The following FRMD4B variants were observed in gnomAD, a reference collection of about 807,000 sequenced individuals.
FRMD4B encodes the protein FERM domain containing 4B, also known as FERM domain-containing protein 4B.
A neutral mutation model predicts 141.5 loss-of-function variants in FRMD4B; 74 were observed. The observed-to-expected ratio is 0.52, with a 90% CI of 0.43 to 0.63. FRMD4B has a LOEUF of 0.63. FRMD4B is among the 30% of genes least tolerant of loss of function. The pLI, the probability that FRMD4B is intolerant of heterozygous loss-of-function variation, is 0.00. For synonymous variants in FRMD4B, 506 were observed against 467.9 expected (o/e 1.08, Z -1.05); for missense variants, 1,366 against 1,253.4 (o/e 1.09, Z -1.36).
intron 1 of FRMD4B, among the ~76,000 whole-genome samples, chr3:69,482,479 A>G (rs1706140949): frequency 6.6e-6 from 1 of 152,130 alleles, no homozygotes; most frequent in South Asian, 2.1e-4. Flanking sequence ...AGAAAAAGGG[A>G]AAGGAGGAAG....
chr3:69,497,613 A>G (rs989290082), intron 1 of FRMD4B, among the ~76,000 whole-genome samples: 5 of 152,084 alleles, frequency 3.3e-5, no homozygotes, highest in Non-Finnish European at 7.4e-5. Context: ...TCCCCATGGG[A>G]TTTTTGTGTA....
At chr3:69,528,801 C>CA (rs77054280) in intron 1 of FRMD4B, among the ~76,000 whole-genome samples, 314 of 134,306 alleles carry the variant, frequency 2.3e-3, no homozygotes, top group African/African-American at 4.6e-3. Context: ...ATAAGGCCAC[C>CA]AAAAAAAAAA....
intron 5 of FRMD4B, among the ~76,000 whole-genome samples, chr3:69,272,741 T>C (rs1282135607): frequency 6.6e-6 from 1 of 152,216 alleles, no homozygotes; most frequent in African/African-American, 2.4e-5. Context: ...GAACCATAAA[T>C]GTGATGCTAA....
At chr3:69,242,395 T>C (rs1209201249) in intron 7 of FRMD4B, among the ~76,000 whole-genome samples, 2 of 151,606 alleles carry the variant, frequency 1.3e-5, no homozygotes, top group African/African-American at 4.8e-5. Context: ...AGGGGCAAAT[T>C]TCTTGAAAGT....
chr3:69,352,891 T>C lies in FRMD4B; in HGVS notation c.162+32937A>G, dbSNP rs1401112517. 3.3e-5 allele frequency among the ~76,000 whole-genome samples: 5 copies of C among 152,152 alleles called. No individual in the cohort carries two copies. In the East Asian group the frequency reaches 7.7e-4, roughly 23 times the overall value. ...ACCCACATCAAAGGATCCTTTCAGATGGGCTGCTAATGAGCTCTAGGACAC... is the reference window on the plus strand; with the variant it reads ...ACCCACATCAAAGGATCCTTTCAGACGGGCTGCTAATGAGCTCTAGGACAC... On this transcript the variant is annotated intron_variant, in intron 1 of 22. Transcript: ENST00000398540.
At chr3:69,463,378 A>G (rs1659434619) in intron 1 of FRMD4B, among the ~76,000 whole-genome samples, 2 of 152,228 alleles carry the variant, frequency 1.3e-5, no homozygotes, top group African/African-American at 4.8e-5. Flanking sequence ...TTTTTCTCAT[A>G]ATTCTGGTCC....
chr3:69,363,488 C>A (rs1170399547), intron 1 of FRMD4B, among the ~76,000 whole-genome samples: 1 of 151,014 alleles, frequency 6.6e-6, no homozygotes, highest in Non-Finnish European at 1.5e-5. Flanking sequence ...CTCCTGGGTT[C>A]ACGCCATTCT....
chr3:69,512,179 T>C (rs924996842), intron 1 of FRMD4B, among the ~76,000 whole-genome samples: 1 of 152,206 alleles, frequency 6.6e-6, no homozygotes, highest in Non-Finnish European at 1.5e-5. Flanking sequence ...GCATCTACTC[T>C]GGCTCACCAT....
chr3:69,239,485 C>T (rs73099828), intron 7 of FRMD4B, among the ~76,000 whole-genome samples: 1 of 152,264 alleles, frequency 6.6e-6, no homozygotes, highest in Non-Finnish European at 1.5e-5. Flanking sequence ...AGCCAGCTCC[C>T]TGAGGACTCC....
intron 19 of FRMD4B, 139 bp downstream of exon 19, chr3:69,187,631 T>C: frequency 1.6e-6 from 1 of 615,976 alleles, no homozygotes; most frequent in South Asian, 2.5e-5. Flanking sequence ...GGTTAGTTTC[T>C]ATGCCCCAGT....
intron 1 of FRMD4B, among the ~76,000 whole-genome samples, chr3:69,516,709 A>G (rs965443527): frequency 1.3e-5 from 2 of 152,240 alleles, no homozygotes; most frequent in Admixed American, 1.3e-4. Flanking sequence ...TCTACCAGAG[A>G]GAAGTCATTG....
intron 1 of FRMD4B, among the ~76,000 whole-genome samples, chr3:69,348,461 G>A (rs1177234461): frequency 6.6e-6 from 1 of 152,078 alleles, no homozygotes; most frequent in East Asian, 1.9e-4. Context: ...AGAAAAAGAG[G>A]GAATCCTCCC....
At chr3:69,495,380 T>C (rs949219339) in intron 1 of FRMD4B, among the ~76,000 whole-genome samples, 4 of 152,298 alleles carry the variant, frequency 2.6e-5, no homozygotes, top group African/African-American at 9.6e-5. Flanking sequence ...AAACCCCCTT[T>C]AGAAAGAAAG....
chr3:69,519,290 G>C (rs1700815869), intron 1 of FRMD4B, among the ~76,000 whole-genome samples: 1 of 152,300 alleles, frequency 6.6e-6, no homozygotes, highest in African/African-American at 2.4e-5. Context: ...TGTGTGCATG[G>C]CTGGGGAGAG....
chr3:69,249,139 T>C, intron 7 of FRMD4B, 87 bp downstream of exon 7: 1 of 832,346 alleles, frequency 1.2e-6, no homozygotes, highest in Non-Finnish European at 2.0e-6. Flanking sequence ...TTCCTTTGAT[T>C]TTGTATCCAT....
At chr3:69,243,956 G>A (rs921706842) in intron 7 of FRMD4B, among the ~76,000 whole-genome samples, 2 of 152,186 alleles carry the variant, frequency 1.3e-5, no homozygotes, top group Non-Finnish European at 2.9e-5. Flanking sequence ...TGAGGTAGGA[G>A]AATTGCTTGA....
chr3:69,451,506 T>C (rs1007818251), intron 1 of FRMD4B, among the ~76,000 whole-genome samples: 1 of 152,220 alleles, frequency 6.6e-6, no homozygotes, highest in East Asian at 1.9e-4. Flanking sequence ...CTCCCTGGTC[T>C]ATTTTAATGT....
intron 3 of FRMD4B, among the ~76,000 whole-genome samples, chr3:69,302,801 A>C (rs557504667): frequency 2.3e-4 from 35 of 152,330 alleles, no homozygotes; most frequent in African/African-American, 8.4e-4. Flanking sequence ...GGGCAGGCAC[A>C]GTGGCTCATG....
chr3:69,472,354 A>G, intron 1 of FRMD4B: 2 of 490,878 alleles, frequency 4.1e-6, no homozygotes, highest in South Asian at 1.5e-5. Flanking sequence ...CTTGTTGGAT[A>G]TATCACATCT....
Sources: allele counts gnomAD v4.1 joint callset (sites outside exome capture counted in the v4.1 genomes callset), GRCh38; gene constraint gnomAD v4.1.1; transcripts MANE v1.5; gene names NCBI Gene and HGNC (gene_info 2026-07-23, HGNC 2026-07-21).